Variants in ALOX5AP observed in about 807,000 individuals in gnomAD.
The protein encoded by ALOX5AP is arachidonate 5-lipoxygenase-activating protein.
A neutral mutation model predicts 18.5 loss-of-function variants in ALOX5AP; 9 were observed. That is an observed-to-expected ratio of 0.49 (90% CI 0.29 to 0.85). The LOEUF is 0.85. Among genes scored for constraint, ALOX5AP ranks in the 40% least tolerant of loss-of-function variants. The pLI is 0.08. For missense variants in ALOX5AP, 172 were observed against 202.5 expected (o/e 0.85, Z 0.91); for synonymous variants, 81 against 78.6 (o/e 1.03, Z -0.16).
At chr13:30,750,159 C>T (rs1253326493) in intron 2 of ALOX5AP, among the ~76,000 whole-genome samples, 3 of 152,042 alleles carry the variant, frequency 2.0e-5, no homozygotes, top group East Asian at 1.9e-4. Context: ...GCTGCTGCCG[C>T]CTCTGGTCCC....
intron 1 of ALOX5AP, among the ~76,000 whole-genome samples, chr13:30,727,649 TG>T (rs1366646941): frequency 6.6e-6 from 1 of 152,102 alleles, no homozygotes. Context: ...CTTAGGTCAG[TG>T]GGTGAGTTCA....
upstream of ALOX5AP, among the ~76,000 whole-genome samples, chr13:30,735,071 A>G (rs1041579782): frequency 1.3e-5 from 2 of 152,102 alleles, no homozygotes; most frequent in African/African-American, 2.4e-5. Flanking sequence ...GTGCAGTGGC[A>G]TAATCATTGG....
chr13:30,764,400 A>G lies in ALOX5AP; in HGVS notation c.*294A>G, dbSNP rs1951972854. On this transcript the variant is annotated 3_prime_UTR_variant, in exon 5 of 5. Transcript: ENST00000380490. ...GACCAGGTTTGTGTTTTCTTAAAAT[A>G]AAATGCAGAGACATGTTTTAAGCTG... 1 of 308,352 alleles carries G rather than the reference A, an allele frequency of 3.2e-6. No individual in the cohort carries two copies. The highest frequency in any genetic ancestry group is 2.2e-5 in the African/African-American group (1 of 46,142). 19.1% of individuals were successfully genotyped at this position (308,352 alleles called of 1,614,324 possible).
chr13:30,726,790 C>T (rs893516518), intron 1 of ALOX5AP, among the ~76,000 whole-genome samples: 3 of 152,082 alleles, frequency 2.0e-5, no homozygotes, highest in African/African-American at 4.8e-5. Flanking sequence ...TTTAGTCCTC[C>T]GAGTAGCTGG....
At chr13:30,756,205 A>T (rs1036271594) in intron 4 of ALOX5AP, among the ~76,000 whole-genome samples, 180 bp downstream of exon 4, 1 of 152,152 alleles carries the variant, frequency 6.6e-6, no homozygotes, top group Admixed American at 6.5e-5. Context: ...GGCTCTGAAA[A>T]TACAGCTGGG....
intron 1 of ALOX5AP, among the ~76,000 whole-genome samples, chr13:30,720,140 G>A (rs1018477370): frequency 1.3e-5 from 2 of 152,184 alleles, no homozygotes; most frequent in East Asian, 1.9e-4. Context: ...GATTACAGGC[G>A]TGAGCCACCG....
At chr13:30,717,282 T>G (rs1951557627) in intron 1 of ALOX5AP, among the ~76,000 whole-genome samples, 1 of 152,112 alleles carries the variant, frequency 6.6e-6, no homozygotes, top group African/African-American at 2.4e-5. Flanking sequence ...CCAAATTGAG[T>G]TTTTCCTCTT....
At chr13:30,763,006 A>T (rs1951955234) in intron 4 of ALOX5AP, among the ~76,000 whole-genome samples, 1 of 152,098 alleles carries the variant, frequency 6.6e-6, no homozygotes. Flanking sequence ...AGAAGGATAG[A>T]GTATATTAAA....
At chr13:30,729,860 G>T (rs1000006854) in intron 1 of ALOX5AP, among the ~76,000 whole-genome samples, 1 of 151,922 alleles carries the variant, frequency 6.6e-6, no homozygotes, top group Non-Finnish European at 1.5e-5. Flanking sequence ...ATAGGCATGA[G>T]CCACCGTGCC....
intron 2 of ALOX5AP, among the ~76,000 whole-genome samples, chr13:30,750,697 T>C (rs1442185011): frequency 6.6e-6 from 1 of 152,214 alleles, no homozygotes; most frequent in African/African-American, 2.4e-5. Flanking sequence ...CCTGTGAATA[T>C]GTTATGTTAC....
intron 1 of ALOX5AP, among the ~76,000 whole-genome samples, chr13:30,715,170 G>A (rs906399118): frequency 6.6e-6 from 1 of 152,130 alleles, no homozygotes; most frequent in African/African-American, 2.4e-5. Context: ...TTTGAGAACC[G>A]GGCTTTAACT....
rs200711029 is a variant in ALOX5AP at position 30,764,302 on chromosome 13, G to A, written c.*196G>A. 5.1e-5 allele frequency: 27 copies of A among 531,994 alleles called. No individual in the cohort carries two copies. The highest frequency in any genetic ancestry group is 7.0e-5 in the Non-Finnish European group (22 of 315,192). 33.0% of individuals were successfully genotyped at this position (531,994 alleles called of 1,614,324 possible). ...TCAGCTCCGCCCCTTGAACATGACC[G>A]TGGCCCCAAATTTGCTATTCCCATG... On this transcript the variant is annotated 3_prime_UTR_variant, in exon 5 of 5. Transcript: ENST00000380490.
At chr13:30,750,470 T>A (rs946906279) in intron 2 of ALOX5AP, among the ~76,000 whole-genome samples, 2 of 152,208 alleles carry the variant, frequency 1.3e-5, no homozygotes, top group Non-Finnish European at 2.9e-5. Context: ...AGGACACCTA[T>A]GATTTAATTT....
intron 1 of ALOX5AP, among the ~76,000 whole-genome samples, chr13:30,738,175 T>C (rs565626949): frequency 2.2e-4 from 33 of 152,342 alleles, no homozygotes; most frequent in African/African-American, 7.9e-4. Context: ...GGTTGGGCTC[T>C]GCACTCTCTC....
intron 3 of ALOX5AP, 117 bp downstream of exon 3, chr13:30,752,239 C>A: frequency 1.9e-6 from 2 of 1,079,448 alleles, no homozygotes; most frequent in Non-Finnish European, 2.8e-6. Flanking sequence ...ATCTGTGAAG[C>A]CCTGGAGAGG....
chr13:30,755,573 T>C (rs1951886611), intron 3 of ALOX5AP, among the ~76,000 whole-genome samples: 1 of 152,222 alleles, frequency 6.6e-6, no homozygotes, highest in Non-Finnish European at 1.5e-5. Context: ...AAGAGTTGTC[T>C]TGGGCCACAC....
intron 1 of ALOX5AP, among the ~76,000 whole-genome samples, chr13:30,727,861 G>T (rs1202177783): frequency 6.6e-6 from 1 of 152,074 alleles, no homozygotes; most frequent in East Asian, 1.9e-4. Context: ...GGTTGTCCTT[G>T]CTTCCCACAC....
chr13:30,724,214 T>C (rs1298052982), intron 1 of ALOX5AP, among the ~76,000 whole-genome samples: 1 of 152,234 alleles, frequency 6.6e-6, no homozygotes, highest in Non-Finnish European at 1.5e-5. Context: ...TTTGTGTCTG[T>C]CTTCTTCTGC....
upstream of ALOX5AP, among the ~76,000 whole-genome samples, chr13:30,731,805 C>A (rs1475600938): frequency 6.6e-6 from 1 of 152,246 alleles, no homozygotes; most frequent in African/African-American, 2.4e-5. Flanking sequence ...AGACTAGGTC[C>A]CCACGACACA....
Sources: allele counts gnomAD v4.1 joint callset (sites outside exome capture counted in the v4.1 genomes callset), GRCh38; gene constraint gnomAD v4.1.1; transcripts MANE v1.5; gene names NCBI Gene and HGNC (gene_info 2026-07-23, HGNC 2026-07-21).